Variants in CHRNA7 observed in about 807,000 individuals in gnomAD.
CHRNA7 encodes the protein neuronal acetylcholine receptor subunit alpha-7.
In CHRNA7, 17 loss-of-function variants were observed where a neutral mutation model predicts 48.0. The observed-to-expected ratio is 0.35, with a 90% CI of 0.24 to 0.53. CHRNA7 has a LOEUF of 0.53. Among genes scored for constraint, CHRNA7 ranks in the 20% least tolerant of loss-of-function variants. The pLI is 0.92. For synonymous variants in CHRNA7, 75 were observed against 242.3 expected (o/e 0.31, Z 6.41); for missense variants, 155 against 577.7 (o/e 0.27, Z 7.50).
At chr15:32,119,065 G>A (rs1321790009) in intron 4 of CHRNA7, among the ~76,000 whole-genome samples, 1 of 152,032 alleles carries the variant, frequency 6.6e-6, no homozygotes, top group Non-Finnish European at 1.5e-5. Context: ...CATGGTCACA[G>A]GCACCTTCCT....
intron 2 of CHRNA7, among the ~76,000 whole-genome samples, chr15:32,034,883 C>T (rs1296274010): frequency 6.6e-6 from 1 of 152,038 alleles, no homozygotes; most frequent in African/African-American, 2.4e-5. Flanking sequence ...GGGAAGTAAC[C>T]GAATCTCTGC....
intron 1 of CHRNA7, 36 bp from the exon 2 acceptor site, chr15:32,030,862 G>T (rs201469544): frequency 2.2e-5 from 35 of 1,607,854 alleles, no homozygotes; most frequent in Non-Finnish European, 3.0e-5. Context: ...CCGCCGGCCT[G>T]CCCTGAGCCC....
chr15:32,054,733 TGTC>T (rs2049755378), intron 2 of CHRNA7, among the ~76,000 whole-genome samples: 1 of 152,250 alleles, frequency 6.6e-6, no homozygotes, highest in African/African-American at 2.4e-5. Context: ...CCCAAGTTGT[TGTC>T]TGTAGCTCTT....
intron 4 of CHRNA7, among the ~76,000 whole-genome samples, chr15:32,116,996 C>T (rs2050883408): frequency 6.6e-6 from 1 of 152,088 alleles, no homozygotes; most frequent in Non-Finnish European, 1.5e-5. Context: ...TGTGGCCAAG[C>T]CTGTAAGCAC....
At chr15:32,107,965 C>T (rs980125469) in intron 3 of CHRNA7, among the ~76,000 whole-genome samples, 2 of 152,162 alleles carry the variant, frequency 1.3e-5, no homozygotes, top group African/African-American at 4.8e-5. Context: ...TCAGGAAATT[C>T]CCAGGGCTTT....
chr15:32,047,499 T>G (rs549638793), intron 2 of CHRNA7, among the ~76,000 whole-genome samples: 1 of 152,264 alleles, frequency 6.6e-6, no homozygotes, highest in Admixed American at 6.5e-5. Flanking sequence ...TAAGAATGCT[T>G]GTGATTTTTG....
intron 4 of CHRNA7, among the ~76,000 whole-genome samples, chr15:32,121,801 G>A (rs772156902): frequency 6.6e-6 from 1 of 152,194 alleles, no homozygotes; most frequent in African/African-American, 2.4e-5. Context: ...GCCCTTAGCG[G>A]GGAGGGGGAG....
chr15:32,129,465 C>A (rs1460519721), intron 4 of CHRNA7, among the ~76,000 whole-genome samples: 2 of 151,806 alleles, frequency 1.3e-5, no homozygotes, highest in Non-Finnish European at 3.0e-5. Context: ...TTATTTATAG[C>A]CTATTGGTTG....
chr15:32,060,957 A>C (rs1030074918), intron 2 of CHRNA7, among the ~76,000 whole-genome samples: 4 of 152,218 alleles, frequency 2.6e-5, no homozygotes, highest in Admixed American at 2.0e-4. Context: ...AAGGGCTGAT[A>C]TGCAGAGCTG....
At chr15:32,111,553 G>T in intron 3 of CHRNA7, 1 of 418,490 alleles carries the variant, frequency 2.4e-6, no homozygotes. Context: ...TAACTTTAAT[G>T]ATACCATCTG....
intron 2 of CHRNA7, among the ~76,000 whole-genome samples, chr15:32,093,767 C>T (rs2050421330): frequency 6.6e-6 from 1 of 152,046 alleles, no homozygotes; most frequent in South Asian, 2.1e-4. Context: ...ACATGCTGAC[C>T]TGTTGGGAGG....
chr15:32,078,704 C>T (rs965225629), intron 2 of CHRNA7, among the ~76,000 whole-genome samples: 1 of 149,062 alleles, frequency 6.7e-6, no homozygotes, highest in African/African-American at 2.5e-5. Flanking sequence ...GGATTTATAG[C>T]TTAATTCTAC....
chr15:32,102,017 A>T (rs2050581261), intron 3 of CHRNA7: 1 of 152,172 alleles, frequency 6.6e-6, no homozygotes, highest in Non-Finnish European at 1.5e-5. Flanking sequence ...AAACTGTCAG[A>T]TATTTAACGT....
chr15:32,108,184 G>T (rs143336692), intron 3 of CHRNA7, among the ~76,000 whole-genome samples: 1 of 152,132 alleles, frequency 6.6e-6, no homozygotes, highest in East Asian at 1.9e-4. Flanking sequence ...TAGGGCCCAG[G>T]TGCCAGAGCC....
Position 32,072,924 on chromosome 15 carries a change from G to A in CHRNA7, c.196-28379G>A, listed in dbSNP as rs563665895. Among the ~76,000 whole-genome samples the A allele has an allele frequency of 1.8e-4, 28 of 152,318 alleles. No individual in the cohort carries two copies. The South Asian group carries it at 3.7e-3, about 20-fold the overall frequency. On this transcript the variant is annotated intron_variant, in intron 2 of 9. Transcript: ENST00000306901. ...CAGGGGTGGAGCTACCATGGAGGGC[G>A]TCTAATAGGGTAGTGCTGAGGGGAA... is the stretch of plus-strand genomic sequence containing the variant.
chr15:32,119,751 T>C (rs2141295049), intron 4 of CHRNA7, among the ~76,000 whole-genome samples: 1 of 152,310 alleles, frequency 6.6e-6, no homozygotes, highest in African/African-American at 2.4e-5. Flanking sequence ...TCCCAGCCTG[T>C]GGCAGTGGGC....
chr15:32,105,317 C>T (rs912370928), intron 3 of CHRNA7, among the ~76,000 whole-genome samples: 1 of 151,012 alleles, frequency 6.6e-6, no homozygotes, highest in African/African-American at 2.4e-5. Context: ...GTAATTAACA[C>T]GTTTAGAAGA....
intron 2 of CHRNA7, among the ~76,000 whole-genome samples, chr15:32,052,966 A>G (rs1181506965): frequency 6.6e-6 from 1 of 152,196 alleles, no homozygotes; most frequent in Non-Finnish European, 1.5e-5. Context: ...GTCTGTGGGT[A>G]TCAAAATATC....
chr15:32,050,726 T>C (rs1346214367), intron 2 of CHRNA7, among the ~76,000 whole-genome samples: 1 of 151,266 alleles, frequency 6.6e-6, no homozygotes, highest in Non-Finnish European at 1.5e-5. Context: ...GTCACTCTGC[T>C]TTTTAGAGTT....
Sources: gnomAD v4.1 joint callset for allele counts (sites outside exome capture counted in the v4.1 genomes callset) on GRCh38, gnomAD v4.1.1 for gene constraint, MANE v1.5 for transcripts, NCBI Gene and HGNC (gene_info 2026-07-23, HGNC 2026-07-21) for gene names.